Variants in ME3 observed in about 807,000 individuals in gnomAD.
The protein encoded by ME3 is malic enzyme 3.
A neutral mutation model predicts 68.9 loss-of-function variants in ME3; 48 were observed. The ratio of observed to expected loss-of-function variants is 0.70; its 90% confidence interval spans 0.55 to 0.89. ME3 has a LOEUF of 0.89. ME3 is among the 40% of genes least tolerant of loss of function. The pLI is 0.00. For missense variants in ME3, 675 were observed against 797.4 expected (o/e 0.85, Z 1.85); for synonymous variants, 320 against 318.8 (o/e 1.00, Z -0.04).
chr11:86,607,384 C>T (rs1267668329), intron 2 of ME3, among the ~76,000 whole-genome samples: 1 of 151,746 alleles, frequency 6.6e-6, no homozygotes, highest in Non-Finnish European at 1.5e-5. Context: ...TCCCACCATA[C>T]TCATTGGTGG....
intron 4 of ME3, among the ~76,000 whole-genome samples, chr11:86,534,930 G>C (rs544904094): frequency 3.5e-5 from 5 of 141,470 alleles, no homozygotes; most frequent in Non-Finnish European, 7.9e-5. Context: ...TTAAAATGGA[G>C]AGTTTGGGCC....
chr11:86,540,590 C>T (rs892234988), intron 4 of ME3, among the ~76,000 whole-genome samples: 17 of 152,134 alleles, frequency 1.1e-4, no homozygotes, highest in African/African-American at 3.9e-4. Context: ...GATTAAGAGT[C>T]TATAAGAAAT....
intron 7 of ME3, among the ~76,000 whole-genome samples, chr11:86,468,617 C>T (rs1950613117): frequency 6.6e-6 from 1 of 152,140 alleles, no homozygotes; most frequent in South Asian, 2.1e-4. Flanking sequence ...TAATTAAAAA[C>T]CAATTAAGAA....
chr11:86,635,492 G>A (rs778200399), intron 2 of ME3, among the ~76,000 whole-genome samples: 6 of 152,168 alleles, frequency 3.9e-5, no homozygotes, highest in Non-Finnish European at 7.3e-5. Flanking sequence ...CAAATTTCAT[G>A]TATTGGAAAC....
chr11:86,624,289 A>G (rs1053302692), intron 2 of ME3, among the ~76,000 whole-genome samples: 4 of 152,084 alleles, frequency 2.6e-5, no homozygotes, highest in Admixed American at 2.0e-4. Context: ...CCTATTCCCT[A>G]TTTCTCTTAA....
chr11:86,442,951 G>A (rs750629742), intron 13 of ME3, 32 bp from the exon 14 acceptor site: 28 of 1,559,198 alleles, frequency 1.8e-5, no homozygotes, highest in African/African-American at 2.7e-5. Flanking sequence ...AGAGGAATAA[G>A]CTGAGTCTCT....
intron 2 of ME3, among the ~76,000 whole-genome samples, chr11:86,642,994 G>GT (rs72508862): frequency 0.2 from 30,983 of 151,940 alleles, 4,059 homozygotes; most frequent in East Asian, 0.56. Context: ...GTTTCTATTA[G>GT]TTTTTTTTGA....
chr11:86,449,530 T>C (rs565693758), intron 10 of ME3, among the ~76,000 whole-genome samples: 69 of 152,022 alleles, frequency 4.5e-4, no homozygotes, highest in Middle Eastern at 3.4e-3. Context: ...GGGTTGAGAG[T>C]TGGCATGTGG....
chr11:86,570,102 C>G (rs2139539996), intron 2 of ME3, among the ~76,000 whole-genome samples: 1 of 152,314 alleles, frequency 6.6e-6, no homozygotes, highest in South Asian at 2.1e-4. Context: ...ACGGCACACA[C>G]ACAGCCATGT....
intron 2 of ME3, among the ~76,000 whole-genome samples, chr11:86,630,416 T>G (rs1261913407): frequency 6.6e-6 from 1 of 152,168 alleles, no homozygotes; most frequent in Non-Finnish European, 1.5e-5. Flanking sequence ...TCCTGTATCC[T>G]TCATGATGTT....
chr11:86,567,243 A>AAAGAAAGGAAGAAAGGAGGG (rs869098620), intron 2 of ME3, among the ~76,000 whole-genome samples: 1 of 144,464 alleles, frequency 6.9e-6, no homozygotes, highest in South Asian at 2.4e-4. Context: ...GAAAAGAAAG[A>AAAGAAAGGAAGAAAGGAGGG]AAGGAAGGAA....
At chr11:86,671,896 G>A in exon 2 of ME3, 1 of 1,478,630 alleles carries the variant, frequency 6.8e-7, no homozygotes, top group Non-Finnish European at 8.9e-7. Flanking sequence ...CCGCAGGCCC[G>A]GCCCGGCCAG....
chr11:86,580,855 T>C (rs979611208), intron 2 of ME3, among the ~76,000 whole-genome samples: 13 of 152,230 alleles, frequency 8.5e-5, no homozygotes, highest in African/African-American at 3.1e-4. Context: ...CAATCACCTT[T>C]GTCAGCCACA....
At chr11:86,446,244 TC>T in intron 13 of ME3, 69 bp downstream of exon 13, 1 of 1,540,264 alleles carries the variant, frequency 6.5e-7, no homozygotes, top group Non-Finnish European at 8.9e-7. Context: ...ATAAGAGAGA[TC>T]TGGTATAGGA....
chr11:86,469,258 G>A (rs1950653017), intron 7 of ME3, among the ~76,000 whole-genome samples: 1 of 152,104 alleles, frequency 6.6e-6, no homozygotes, highest in South Asian at 2.1e-4. Context: ...TAATATTTGG[G>A]GCTGGAATTG....
intron 2 of ME3, among the ~76,000 whole-genome samples, chr11:86,664,085 C>T (rs1946446306): frequency 1.3e-5 from 2 of 152,184 alleles, no homozygotes; most frequent in Admixed American, 1.3e-4. Context: ...GAGGGATCTC[C>T]ACCTATATGT....
intron 2 of ME3, among the ~76,000 whole-genome samples, chr11:86,632,752 C>T (rs1049476488): frequency 1.3e-5 from 2 of 152,182 alleles, no homozygotes; most frequent in South Asian, 2.1e-4. Flanking sequence ...GGCCCAGGTG[C>T]AGTGAGTGAT....
intron 2 of ME3, among the ~76,000 whole-genome samples, chr11:86,621,226 T>C (rs1943328090): frequency 6.6e-6 from 1 of 152,236 alleles, no homozygotes. Flanking sequence ...TGACACAATG[T>C]TCTTTGAGGT....
intron 4 of ME3, among the ~76,000 whole-genome samples, chr11:86,520,459 A>T (rs1954190043): frequency 1.3e-5 from 2 of 152,192 alleles, no homozygotes; most frequent in African/African-American, 4.8e-5. Context: ...ACAAACAAAA[A>T]ACCCCAAAAA....
Sources: allele counts gnomAD v4.1 joint callset (sites outside exome capture counted in the v4.1 genomes callset), GRCh38; gene constraint gnomAD v4.1.1; transcripts MANE v1.5; gene names NCBI Gene and HGNC (gene_info 2026-07-23, HGNC 2026-07-21).